NLRP9: variants seen among roughly 807,000 people sequenced by gnomAD.
NLRP9 encodes NACHT, LRR and PYD domains-containing protein 9.
A neutral mutation model predicts 83.1 loss-of-function variants in NLRP9; 88 were observed. The observed-to-expected ratio is 1.06, with a 90% confidence interval of 0.89 to 1.26. The LOEUF is 1.26. Ranked by LOEUF, NLRP9 falls within the 50% of genes most tolerant of loss-of-function variation. The pLI, the probability that NLRP9 is intolerant of heterozygous loss-of-function variation, is 0.00. For missense variants in NLRP9, 1,308 were observed against 1,179.3 expected (o/e 1.11, Z -1.60); for synonymous variants, 521 against 447.6 (o/e 1.16, Z -2.07).
chr19:55,734,009 G>A (rs931791367), intron 1 of NLRP9, among the ~76,000 whole-genome samples: 5 of 142,298 alleles, frequency 3.5e-5, no homozygotes, highest in Non-Finnish European at 7.5e-5. Context: ...TGCAAGCTCC[G>A]CCTCCCGGGT....
Position 55,733,545 on chromosome 19 carries a change from G to T in NLRP9, c.286C>A (p.Leu96Ile). The change falls in exon 2 of 9, where the codon CTA becomes ATA. Residue 96 changes from leucine (L) to isoleucine (I), a missense_variant. Coordinates refer to ENST00000332836, the MANE Select transcript of NLRP9 (RefSeq NM_176820.4). Reference protein sequence around the residue: ...TKAQEEMRNKLNPYRKHMKET... With the variant: ...TKAQEEMRNKINPYRKHMKET... ...TTCATATGCTTTCTGTATGGGTTTAGCTTATCTGTGTTAATGAGAACAGGA... is the reference window on the plus strand; with the variant it reads ...TTCATATGCTTTCTGTATGGGTTTATCTTATCTGTGTTAATGAGAACAGGA... The T allele has an allele frequency of 6.5e-7, 1 of 1,549,328 alleles. No homozygotes were observed. Among genetic ancestry groups the T allele is most frequent in the Non-Finnish European group, 8.8e-7 (1 of 1,139,522 alleles).
At chr19:55,737,789 T>C (rs904645836) in intron 1 of NLRP9, among the ~76,000 whole-genome samples, 6 of 139,634 alleles carry the variant, frequency 4.3e-5, no homozygotes, top group African/African-American at 1.3e-4. Context: ...TAGAATTCCA[T>C]CTCAGTAGAC....
chr19:55,736,267 T>C (rs922882390), intron 1 of NLRP9, among the ~76,000 whole-genome samples: 1 of 151,866 alleles, frequency 6.6e-6, no homozygotes, highest in African/African-American at 2.4e-5. Context: ...GGCAGGCGCC[T>C]GTAGTCCCAG....
chr19:55,732,173 T>C lies in NLRP9; in HGVS notation c.1658A>G (p.Gln553Arg). 1 of 1,613,022 alleles carries C rather than the reference T, an allele frequency of 6.2e-7. No homozygotes were observed. The highest frequency in any genetic ancestry group is 1.1e-5 in the South Asian group (1 of 90,742). The change falls in exon 2 of 9, where the codon CAG (glutamine) becomes CGG (arginine). Residue 553 changes from glutamine (Q) to arginine (R), a missense_variant. Coordinates refer to ENST00000332836, the MANE Select transcript of NLRP9 (RefSeq NM_176820.4). ...CACTTTGGTTACAAATTCTTTTTCC[T>C]GAGTTTCAAACAAACCAATGAATAG... ...QELFIGLFETQEKEFVTKVMN... is the reference protein window; with the variant it reads ...QELFIGLFETREKEFVTKVMN...
chr19:55,722,518 T>C (rs1463988926), intron 4 of NLRP9, among the ~76,000 whole-genome samples: 5 of 152,192 alleles, frequency 3.3e-5, no homozygotes, highest in Non-Finnish European at 7.3e-5. Flanking sequence ...GATGAATCTG[T>C]CAATTACATT....
Position 55,732,007 on chromosome 19 carries a change from G to A in NLRP9, c.1824C>T (p.Cys608=), listed in dbSNP as rs1219706081. 6.5e-7 allele frequency: 1 copy of A among 1,549,150 alleles called. No individual in the cohort carries two copies. Among genetic ancestry groups the A allele is most frequent in the Non-Finnish European group, 8.7e-7 (1 of 1,146,896 alleles). Residue 608 remains cysteine (C), a synonymous_variant, in exon 2 of 9, where the codon TGC becomes TGT. Coordinates refer to ENST00000332836, the MANE Select transcript of NLRP9 (RefSeq NM_176820.4). ...VENIFPDDSG[C]ISDYNEKLVY... is the part of the protein sequence containing the mutation. ...TTAATAGACAGACTCACTCTGAGAT[G>A]CATCCTGAGTCATCTGGAAAGATAT...
At chr19:55,735,914 C>G (rs971099790) in intron 1 of NLRP9, among the ~76,000 whole-genome samples, 1 of 151,988 alleles carries the variant, frequency 6.6e-6, no homozygotes, top group Non-Finnish European at 1.5e-5. Context: ...TCTCGAACTC[C>G]TGACCTTAGG....
chr19:55,715,140 G>T lies in NLRP9; in HGVS notation c.2416C>A (p.Leu806Met), dbSNP rs746827502. The change falls in exon 6 of 9, where the codon CTG becomes ATG. Residue 806 changes from leucine (L) to methionine (M), a missense_variant. Leu to Met is a conservative substitution (Grantham distance 15). Coordinates refer to ENST00000332836, the MANE Select transcript of NLRP9 (RefSeq NM_176820.4). ...TTATCTTCCAGGGCATTTGAGCCCA[G>T]ATCGAGGAGGGACAGGGACTTACTG... ...LCSKSLSLLD[L>M]GSNALEDNGV... 9.3e-6 allele frequency: 15 copies of T among 1,613,212 alleles called. No homozygotes were observed. In the East Asian group the frequency reaches 3.3e-4, roughly 36 times the overall value.
At chr19:55,735,531 A>G (rs1189887552) in intron 1 of NLRP9, among the ~76,000 whole-genome samples, 1 of 152,162 alleles carries the variant, frequency 6.6e-6, no homozygotes, top group Non-Finnish European at 1.5e-5. Context: ...CTGTGTCTGT[A>G]TTACTCTACA....
At chr19:55,731,872 G>A in intron 2 of NLRP9, 127 bp downstream of exon 2, 1 of 607,174 alleles carries the variant, frequency 1.6e-6, no homozygotes, top group South Asian at 2.5e-5. Context: ...GGCTCGAAAG[G>A]AAGGCTTTCT....
Position 55,708,968 on chromosome 19 carries a change from T to C in NLRP9, c.2920A>G (p.Ile974Val), listed in dbSNP as rs1420159996. The change falls in exon 9 of 9, where the codon ATT (isoleucine) becomes GTT (valine). Residue 974 changes from isoleucine to valine, a missense_variant. Transcript: ENST00000332836. ...SVEEKIPHLTISHGPWIDEEY... is the reference protein window; with the variant it reads ...SVEEKIPHLTVSHGPWIDEEY... The stretch of plus-strand genomic sequence containing the variant: ...TCGTCAATCCAAGGTCCATGTGAAA[T>C]GGTCAGATGGGGAATTTTTTCTTCC... 6.3e-7 allele frequency: 1 copy of C among 1,591,096 alleles called. No homozygotes were observed. The highest frequency in any genetic ancestry group is 8.5e-7 in the Non-Finnish European group (1 of 1,171,186).
At chr19:55,730,180 A>G (rs1988532030) in intron 2 of NLRP9, among the ~76,000 whole-genome samples, 188 bp from the exon 3 acceptor site, 1 of 152,226 alleles carries the variant, frequency 6.6e-6, no homozygotes, top group Admixed American at 6.5e-5. Context: ...CTGGCCAGGT[A>G]GAGTGGCTCA....
Position 55,733,518 on chromosome 19 carries a change from C to T in NLRP9, c.313G>A (p.Glu105Lys). Residue 105 changes from glutamate to lysine, a missense_variant, in exon 2 of 9, where the codon GAA becomes AAA. Physicochemically the swap from Glu to Lys is moderately conservative, Grantham distance 56. Transcript: ENST00000332836. The stretch of plus-strand genomic sequence containing the variant: ...TTCTCCCATATGAGTTGAAATGTTT[C>T]CTTCATATGCTTTCTGTATGGGTTT... Reference protein sequence around the residue: ...KLNPYRKHMKETFQLIWEKET... With the variant: ...KLNPYRKHMKKTFQLIWEKET... The T allele has an allele frequency of 6.2e-7, 1 of 1,602,158 alleles. No homozygotes were observed. Among genetic ancestry groups the T allele is most frequent in the Non-Finnish European group, 8.5e-7 (1 of 1,174,226 alleles).
chr19:55,712,134 G>A (rs1018946774), intron 7 of NLRP9, among the ~76,000 whole-genome samples, 164 bp from the exon 8 acceptor site: 9 of 152,162 alleles, frequency 5.9e-5, no homozygotes, highest in African/African-American at 1.9e-4. Flanking sequence ...TATGTCTAGT[G>A]ACCTTTATCC....
At chr19:55,726,230 T>C (rs765122521) in intron 3 of NLRP9, among the ~76,000 whole-genome samples, 7 of 152,080 alleles carry the variant, frequency 4.6e-5, no homozygotes, top group Non-Finnish European at 7.4e-5. Context: ...ACAGACAATA[T>C]GGTGGGAAAA....
intron 2 of NLRP9, 59 bp from the exon 3 acceptor site, chr19:55,730,051 A>C: frequency 7.6e-5 from 113 of 1,490,270 alleles, no homozygotes; most frequent in Non-Finnish European, 9.0e-5. Flanking sequence ...AGACATTCTC[A>C]AAACAGGTCG....
intron 8 of NLRP9, 167 bp downstream of exon 8, chr19:55,711,633 A>G: frequency 7.0e-6 from 6 of 862,412 alleles, no homozygotes; most frequent in Non-Finnish European, 1.1e-5. Flanking sequence ...GACATCTTAC[A>G]ATGTCAATGG....
intron 3 of NLRP9, 29 bp from the exon 4 acceptor site, chr19:55,724,173 C>A (rs763004949): frequency 6.6e-7 from 1 of 1,523,204 alleles, no homozygotes; most frequent in Non-Finnish European, 9.0e-7. Flanking sequence ...AAAATAGCAT[C>A]ATGCAATGAG....
At chr19:55,711,012 G>A (rs924285558) in intron 8 of NLRP9, among the ~76,000 whole-genome samples, 8 of 151,888 alleles carry the variant, frequency 5.3e-5, no homozygotes, top group African/African-American at 1.9e-4. Flanking sequence ...CTTGAGCCCG[G>A]GAGGCAGGGG....
Sources: gnomAD v4.1 joint callset for allele counts (sites outside exome capture counted in the v4.1 genomes callset) on GRCh38, gnomAD v4.1.1 for gene constraint, MANE v1.5 for transcripts, NCBI Gene and HGNC (gene_info 2026-07-23, HGNC 2026-07-21) for gene names.